The following RPAP1 variants were observed in gnomAD, a reference collection of about 807,000 sequenced individuals.
The protein encoded by RPAP1 is RNA polymerase II-associated protein 1.
In RPAP1, 109 loss-of-function variants were observed where a neutral mutation model predicts 142.4. The ratio of observed to expected loss-of-function variants is 0.77; its 90% confidence interval spans 0.66 to 0.90. The LOEUF (loss-of-function observed/expected upper bound fraction) is 0.90. Ranked by LOEUF, RPAP1 falls within the 40% of genes least tolerant of loss-of-function variation. RPAP1 has a pLI of 0.00. For missense variants in RPAP1, 1,546 were observed against 1,751.7 expected (o/e 0.88, Z 2.10); for synonymous variants, 704 against 738.9 (o/e 0.95, Z 0.77).
At chr15:41,539,995 T>G (rs1209989969) in intron 1 of RPAP1, among the ~76,000 whole-genome samples, 1 of 151,988 alleles carries the variant, frequency 6.6e-6, no homozygotes, top group Non-Finnish European at 1.5e-5. Flanking sequence ...ATCGTACCAC[T>G]GCACTCCAGC....
intron 2 of RPAP1, 60 bp downstream of exon 2, chr15:41,536,885 A>G: frequency 6.4e-7 from 1 of 1,568,646 alleles, no homozygotes; most frequent in South Asian, 1.2e-5. Context: ...CAACAGGAAG[A>G]GGGAGGGGCC....
Position 41,521,081 on chromosome 15 carries a change from C to A in RPAP1, c.3105G>T (p.Arg1035Ser), listed in dbSNP as rs3743031. ...GAGTCCCTTGCCCACACCGAGGGACCCTGCTGCTTCCTAACGACAGCTGGT... is the reference window on the plus strand; with the variant it reads ...GAGTCCCTTGCCCACACCGAGGGACACTGCTGCTTCCTAACGACAGCTGGT... ...FSDQLSLGSSRVPRCGQGTLL... is the reference protein window; with the variant it reads ...FSDQLSLGSSSVPRCGQGTLL... The change falls in exon 22 of 25, where the codon AGG becomes AGT. Residue 1035 changes from arginine to serine, a missense_variant. By Grantham distance (110) the Arg-to-Ser change is moderately radical. Coordinates refer to ENST00000304330, the MANE Select transcript of RPAP1 (RefSeq NM_015540.4). The A allele has an allele frequency of 3.3e-5, 51 of 1,530,878 alleles. No individual in the cohort carries two copies. In the Admixed American group the frequency reaches 1.1e-3, roughly 32 times the overall value. 94.8% of individuals were successfully genotyped at this position (1,530,878 alleles called of 1,614,324 possible). A position where few individuals can be genotyped will look rare whatever the true frequency, so the allele number is the denominator to read the frequency against.
intron 19 of RPAP1, 79 bp downstream of exon 19, chr15:41,522,686 A>AAC: frequency 3.1e-6 from 1 of 326,736 alleles, no homozygotes. Flanking sequence ...CACCGCGCCC[A>AAC]TCCCACCCTC....
intron 22 of RPAP1, among the ~76,000 whole-genome samples, chr15:41,519,082 G>T (rs975164338): frequency 6.6e-6 from 1 of 152,140 alleles, no homozygotes; most frequent in African/African-American, 2.4e-5. Context: ...TGTAGAGATG[G>T]TGTCTAGCTT....
chr15:41,535,727 AAG>A, intron 4 of RPAP1, 95 bp from the exon 5 acceptor site: 1 of 1,509,056 alleles, frequency 6.6e-7, no homozygotes, highest in Non-Finnish European at 8.9e-7. Context: ...AAAGAGATAA[AAG>A]GGGATTTGCT....
intron 1 of RPAP1, among the ~76,000 whole-genome samples, chr15:41,541,617 G>A (rs2051972932): frequency 6.6e-6 from 1 of 152,152 alleles, no homozygotes; most frequent in Admixed American, 6.5e-5. Context: ...GGAGGCCAAG[G>A]CAGGCAGATC....
Position 41,526,983 on chromosome 15 carries a change from G to A in RPAP1, c.1832C>T (p.Pro611Leu). The A allele has an allele frequency of 6.2e-7, 1 of 1,614,200 alleles. No homozygotes were observed. The stretch of plus-strand genomic sequence containing the variant: ...AGCACAGGGTACTTTGTATAGACTA[G>A]GGGTAGGCCCTGCCCCCACAGGAGA... ...SWSPVGAGPT[P>L]SLYKVPCATA... Residue 611 changes from proline (P) to leucine (L), a missense_variant, in exon 14 of 25, where the codon CCT (proline) becomes CTT (leucine). By Grantham distance (98) the Pro-to-Leu change is moderately conservative. Transcript: ENST00000304330.
In RPAP1 at chr15:41,524,976, C is replaced by G. The variant is rs746512054; in HGVS notation, c.2075+15G>C. The G allele has an allele frequency of 6.2e-7, 1 of 1,611,990 alleles. No homozygotes were observed. Among genetic ancestry groups the G allele is most frequent in the Admixed American group, 1.7e-5 (1 of 59,956 alleles). The stretch of plus-strand genomic sequence containing the variant: ...GAAGGTGTCTAGGGGGAGCCTACCC[C>G]CTGCCTCTCCTCACCTGTAAAGGTA... On this transcript the variant is annotated intron_variant, in intron 15 of 24. Transcript: ENST00000304330.
At chr15:41,524,878 A>C in intron 15 of RPAP1, 113 bp downstream of exon 15, 1 of 1,135,978 alleles carries the variant, frequency 8.8e-7, no homozygotes, top group African/African-American at 1.6e-5. Flanking sequence ...CCTCCCACTC[A>C]TTCTTATCCT....
At chr15:41,523,023 C>G in intron 18 of RPAP1, 63 bp from the exon 19 acceptor site, 4 of 1,392,358 alleles carry the variant, frequency 2.9e-6, no homozygotes, top group Non-Finnish European at 3.8e-6. Context: ...CTGGAAAGAG[C>G]TTCTGGGTCT....
At position 41,524,243 on chromosome 15, in the gene RPAP1, G is replaced by A; in HGVS notation, c.2087C>T (p.Pro696Leu). 1.3e-6 allele frequency: 2 copies of A among 1,529,494 alleles called. No homozygotes were observed. Among genetic ancestry groups the A allele is most frequent in the Non-Finnish European group, 1.8e-6 (2 of 1,139,232 alleles). The allele number at this position is 1,529,494 out of a possible 1,614,324, so 94.7% of individuals were successfully genotyped here. A position where few individuals can be genotyped will look rare whatever the true frequency, so the allele number is the denominator to read the frequency against. The stretch of plus-strand genomic sequence containing the variant: ...CACCTGCAAGGCCCGCATCAGCACT[G>A]GGTAGAGCTCCCTAGGGAAGAACAG... ...QGGYLYRELY[P>L]VLMRALQVVP... The change falls in exon 16 of 25, where the codon CCA becomes CTA. Residue 696 changes from proline (P) to leucine (L), a missense_variant. By Grantham distance (98) the Pro-to-Leu change is moderately conservative. This residue lies in a region of RPAP1 where 1,333 missense variants were observed against 1,486.6 expected (regional missense o/e 0.90). Coordinates refer to ENST00000304330, the MANE Select transcript of RPAP1 (RefSeq NM_015540.4).
intron 1 of RPAP1, chr15:41,543,950 A>G (rs2051995430): frequency 6.6e-6 from 1 of 152,230 alleles, no homozygotes. Context: ...TCCAATCCCG[A>G]GTCGGGACGC....
Position 41,525,044 on chromosome 15 carries a change from G to C in RPAP1, c.2022C>G (p.Ala674=). 6.2e-7 allele frequency: 1 copy of C among 1,614,000 alleles called. No individual in the cohort carries two copies. The highest frequency in any genetic ancestry group is 8.5e-7 in the Non-Finnish European group (1 of 1,179,968). ...AGGCAGCCACAGCCCACAGACGGAGGGCCTCGGTGCTCAGCATCTCAGCTT... is the reference window on the plus strand; with the variant it reads ...AGGCAGCCACAGCCCACAGACGGAGCGCCTCGGTGCTCAGCATCTCAGCTT... ...PEEAEMLSTE[A]LRLWAVAASY... Residue 674 remains alanine, a synonymous_variant, in exon 15 of 25, where the codon GCC becomes GCG. Transcript: ENST00000304330.
rs771266397 is a variant in RPAP1 at position 41,536,597 on chromosome 15, C to A, written c.234G>T (p.Arg78Ser). The change falls in exon 3 of 25, where the codon AGG becomes AGT. Residue 78 changes from arginine (R) to serine (S), a missense_variant. Physicochemically the swap from Arg to Ser is moderately radical, Grantham distance 110 (BLOSUM62 -1). This residue lies in a region of RPAP1 where 1,333 missense variants were observed against 1,486.6 expected (regional missense o/e 0.90). Coordinates refer to ENST00000304330, the MANE Select transcript of RPAP1 (RefSeq NM_015540.4). ...CAGGCAGGCAGTGGCCAGGGCTGGGCCTGGCTCTCTTTGGAGGAGAAGGGA... is the reference window on the plus strand; with the variant it reads ...CAGGCAGGCAGTGGCCAGGGCTGGGACTGGCTCTCTTTGGAGGAGAAGGGA... Reference protein sequence around the residue: ...ALVPSPPKRARPSPGHCLPED... With the variant: ...ALVPSPPKRASPSPGHCLPED... The A allele has an allele frequency of 6.2e-6, 10 of 1,614,144 alleles. No homozygotes were observed. Among genetic ancestry groups the A allele is most frequent in the Non-Finnish European group, 8.5e-6 (10 of 1,180,038 alleles).
At chr15:41,524,568 C>T (rs1468433043) in intron 15 of RPAP1, among the ~76,000 whole-genome samples, 2 of 151,556 alleles carry the variant, frequency 1.3e-5, no homozygotes, top group African/African-American at 2.4e-5. Flanking sequence ...CTCTGCCTCC[C>T]AGGTTAAACC....
chr15:41,522,290 C>T (rs2051734698), intron 19 of RPAP1, 40 bp from the exon 20 acceptor site: 2 of 1,588,700 alleles, frequency 1.3e-6, no homozygotes, highest in Non-Finnish European at 8.6e-7. Flanking sequence ...GAAATTGACT[C>T]TCATGCCTTC....
At position 41,527,007 on chromosome 15, in the gene RPAP1, G is replaced by A; in HGVS notation, c.1808C>T (p.Ser603Phe). 1 of 1,614,230 alleles carries A rather than the reference G, an allele frequency of 6.2e-7. No individual in the cohort carries two copies. The highest frequency in any genetic ancestry group is 1.1e-5 in the South Asian group (1 of 91,084). ...IVREFLPTSW[S>F]PVGAGPTPSL... ...AGGGGTAGGCCCTGCCCCCACAGGAGACCAACTGGTGGGCAAGAACTCTCG... is the reference window on the plus strand; with the variant it reads ...AGGGGTAGGCCCTGCCCCCACAGGAAACCAACTGGTGGGCAAGAACTCTCG... The change falls in exon 14 of 25, where the codon TCT (serine) becomes TTT (phenylalanine). Residue 603 changes from serine to phenylalanine, a missense_variant. This residue lies in a region of RPAP1 where 1,333 missense variants were observed against 1,486.6 expected (regional missense o/e 0.90). Coordinates refer to ENST00000304330, the MANE Select transcript of RPAP1 (RefSeq NM_015540.4).
intron 6 of RPAP1, among the ~76,000 whole-genome samples, chr15:41,531,712 C>T (rs2051854269): frequency 7.0e-6 from 1 of 143,300 alleles, no homozygotes; most frequent in Admixed American, 7.2e-5. Context: ...GCAATCTCAA[C>T]TTACTGCAAC....
intron 6 of RPAP1, among the ~76,000 whole-genome samples, chr15:41,531,628 T>TG (rs1221224553): frequency 4.9e-5 from 1 of 20,536 alleles, no homozygotes; most frequent in Admixed American, 7.3e-4. Context: ...TATATATATA[T>TG]TTTTTTTTTT....
Sources: gnomAD v4.1 joint callset for allele counts (sites outside exome capture counted in the v4.1 genomes callset) on GRCh38, gnomAD v4.1.1 for gene constraint, gnomAD v4.1.1 regional missense constraint, MANE v1.5 for transcripts, NCBI Gene and HGNC (gene_info 2026-07-23, HGNC 2026-07-21) for gene names.